FER1L5: variants seen among roughly 807,000 people sequenced by gnomAD.
FER1L5 encodes fer-1 like family member 5.
FER1L5 carries 187 observed loss-of-function variants against 279.9 expected under a neutral mutation model. That is an observed-to-expected ratio of 0.67 (90% CI 0.59 to 0.75). The LOEUF (loss-of-function observed/expected upper bound fraction) is 0.75. Ranked by LOEUF, FER1L5 falls within the 30% of genes least tolerant of loss-of-function variation. The pLI, the probability that FER1L5 is intolerant of heterozygous loss-of-function variation, is 0.00. For synonymous variants in FER1L5, 921 were observed against 989.7 expected (o/e 0.93, Z 1.30); for missense variants, 2,091 against 2,594.4 (o/e 0.81, Z 4.21).
intron 19 of FER1L5, among the ~76,000 whole-genome samples, chr2:96,680,133 G>A (rs775510288): frequency 1.3e-5 from 2 of 151,996 alleles, no homozygotes; most frequent in African/African-American, 4.8e-5. Flanking sequence ...CAGTCCTTAC[G>A]TGTATTTTGA....
Position 96,676,671 on chromosome 2 carries a change from A to G in FER1L5, c.1669+3417A>G, listed in dbSNP as rs575744839. Among the ~76,000 whole-genome samples the G allele has an allele frequency of 3.3e-5, 5 of 150,172 alleles. No homozygotes were observed. In the South Asian group the frequency reaches 6.3e-4, roughly 19 times the overall value. Reference sequence around the variant, plus strand: ...TAGTATTACATTCTATCTATTGACAATATGTATCTTTGGATTATTTTTAGT... The same window carrying G: ...TAGTATTACATTCTATCTATTGACAGTATGTATCTTTGGATTATTTTTAGT... On this transcript the variant is annotated intron_variant, in intron 19 of 52. Transcript: ENST00000624922.
At position 96,685,759 on chromosome 2, in the gene FER1L5, C is replaced by G. The variant is rs576204632; in HGVS notation, c.1896-181C>G. 3.3e-5 allele frequency among the ~76,000 whole-genome samples: 5 copies of G among 152,340 alleles called. No homozygotes were observed. The South Asian group carries it at 1.0e-3, about 32-fold the overall frequency. On this transcript the variant is annotated intron_variant, in intron 21 of 52. Transcript: ENST00000624922. Reference sequence around the variant, plus strand: ...GAGAGGACTGGATGAGAACCCAGGGCTGGACACACAGCGAGCAGGCTTCCT... The same window carrying G: ...GAGAGGACTGGATGAGAACCCAGGGGTGGACACACAGCGAGCAGGCTTCCT...
At position 96,699,144 on chromosome 2, in the gene FER1L5, G is replaced by A; in HGVS notation, c.4610+8G>A. 1.2e-6 allele frequency: 2 copies of A among 1,601,548 alleles called. No homozygotes were observed. Among genetic ancestry groups the A allele is most frequent in the Non-Finnish European group, 8.5e-7 (1 of 1,174,126 alleles). ...GGATCCCATCTTTGGCATGTGAGCTGCCCCAACCCCCAAGACCCCTTCTCC... is the reference window on the plus strand; with the variant it reads ...GGATCCCATCTTTGGCATGTGAGCTACCCCAACCCCCAAGACCCCTTCTCC... On this transcript the variant is annotated splice_region_variant and intron_variant, in intron 42 of 52. Coordinates refer to ENST00000624922, the MANE Select transcript of FER1L5 (RefSeq NM_001293083.2).
chr2:96,645,250 T>G (rs969398103), intron 1 of FER1L5, among the ~76,000 whole-genome samples: 17 of 152,224 alleles, frequency 1.1e-4, no homozygotes, highest in African/African-American at 4.1e-4. Flanking sequence ...GCATGGATGG[T>G]GCTGGTCACA....
chr2:96,670,221 C>G lies in FER1L5; in HGVS notation c.1465C>G (p.Leu489Val), dbSNP rs78506932. The change falls in exon 18 of 53, where the codon CTC (leucine) becomes GTC (valine). Residue 489 changes from leucine (L) to valine (V), a missense_variant. Physicochemically the swap from Leu to Val is conservative, Grantham distance 32. Transcript: ENST00000624922. ...CTATCAAGACTCCACGATAAAGGATCTCTCCCATGAAGTGACCAGGATAGA... is the reference window on the plus strand; with the variant it reads ...CTATCAAGACTCCACGATAAAGGATGTCTCCCATGAAGTGACCAGGATAGA... ...KSYQDSTIKD[L>V]SHEVTRIEKH... The G allele has an allele frequency of 1.3e-4, 198 of 1,551,604 alleles. 2 individuals carry two copies. The East Asian group carries it at 4.8e-3, about 38-fold the overall frequency.
At position 96,698,194 on chromosome 2, in the gene FER1L5, T is replaced by G; in HGVS notation, c.4356+38T>G. On this transcript the variant is annotated intron_variant, in intron 40 of 52. Coordinates refer to ENST00000624922, the MANE Select transcript of FER1L5 (RefSeq NM_001293083.2). The surrounding 1 kb of genome is among the most constrained non-coding windows in gnomAD (Gnocchi z 5.5). ...CCCAGCTTAGCTGCCCCTGTCTCCT[T>G]GTGCACCTTCTGTCCCTGGAAAACG... 6.5e-7 allele frequency: 1 copy of G among 1,540,844 alleles called. No homozygotes were observed. Among genetic ancestry groups the G allele is most frequent in the Non-Finnish European group, 8.8e-7 (1 of 1,140,564 alleles).
At chr2:96,692,235 G>A (rs902433314) in intron 31 of FER1L5, 54 bp downstream of exon 31, 3 of 1,537,636 alleles carry the variant, frequency 2.0e-6, no homozygotes, top group African/African-American at 2.8e-5. Flanking sequence ...AGGGAGGAGA[G>A]CAGGGTTGTG....
In FER1L5 at chr2:96,661,733, C is replaced by T. The variant is rs758668608; in HGVS notation, c.960C>T (p.Val320=). The T allele has an allele frequency of 5.8e-6, 9 of 1,551,712 alleles. No homozygotes were observed. The South Asian group carries it at 1.1e-4, about 18-fold the overall frequency. Residue 320 remains valine, a synonymous_variant, in exon 12 of 53, where the codon GTC becomes GTT. Coordinates refer to ENST00000624922, the MANE Select transcript of FER1L5 (RefSeq NM_001293083.2). ...TDIQIFKSAV[V]PINMAYLQLF... ...TTCAGATCTTCAAGTCAGCGGTAGT[C>T]CCGATCAACATGGCTTACTTACAGC...
intron 4 of FER1L5, 34 bp downstream of exon 4, chr2:96,647,920 G>C: frequency 6.6e-7 from 1 of 1,508,214 alleles, no homozygotes; most frequent in East Asian, 2.5e-5. Flanking sequence ...AGGCAGGGTG[G>C]CTGGAGGAAT....
chr2:96,698,086 A>C lies in FER1L5; in HGVS notation c.4286A>C (p.Asp1429Ala). The C allele has an allele frequency of 6.3e-7, 1 of 1,589,904 alleles. No homozygotes were observed. The change falls in exon 40 of 53, where the codon GAC becomes GCC. Residue 1429 changes from aspartate (D) to alanine (A), a missense_variant. Transcript: ENST00000624922. This position sits in a 1 kb window ranked among gnomAD's most constrained non-coding sequence, Gnocchi z 5.5. ...EAVPAFQGLQDFCQTFKLYQE... is the reference protein window; with the variant it reads ...EAVPAFQGLQAFCQTFKLYQE... ...GTGCCAGCCTTCCAGGGCCTGCAGG[A>C]CTTCTGCCAGACCTTCAAACTCTAC...
intron 1 of FER1L5, among the ~76,000 whole-genome samples, chr2:96,645,681 T>A (rs993952627): frequency 6.6e-6 from 1 of 151,058 alleles, no homozygotes; most frequent in African/African-American, 2.4e-5. Context: ...ACGTGGGAGG[T>A]GGGAGGATGA....
intron 1 of FER1L5, among the ~76,000 whole-genome samples, chr2:96,643,359 A>AT (rs1054637653): frequency 1.8e-4 from 27 of 151,706 alleles, no homozygotes; most frequent in African/African-American, 5.8e-4. Context: ...TTTATTTTTT[A>AT]TTTTTTTTGA....
intron 2 of FER1L5, 49 bp from the exon 3 acceptor site, chr2:96,647,015 G>C (rs2075160743): frequency 2.0e-6 from 3 of 1,526,280 alleles, no homozygotes; most frequent in South Asian, 2.4e-5. Flanking sequence ...TAGAAACATG[G>C]GATGGGAAGG....
At chr2:96,664,903 T>A (rs541847827) in intron 14 of FER1L5, among the ~76,000 whole-genome samples, 1 of 152,368 alleles carries the variant, frequency 6.6e-6, no homozygotes, top group Non-Finnish European at 1.5e-5. Flanking sequence ...TTTTTGTTGA[T>A]GGCCTGGAGC....
intron 9 of FER1L5, among the ~76,000 whole-genome samples, chr2:96,659,421 CTTT>C (rs1558854342): frequency 1.2e-4 from 1 of 8,520 alleles, no homozygotes; most frequent in Non-Finnish European, 1.9e-4. Flanking sequence ...TTCTTTCTTT[CTTT>C]CTTTCTTTCT....
intron 27 of FER1L5, among the ~76,000 whole-genome samples, chr2:96,690,982 G>A (rs2106635103): frequency 6.6e-6 from 1 of 152,380 alleles, no homozygotes; most frequent in East Asian, 1.9e-4. Context: ...ACTTCTCTGA[G>A]TCTCACCTGC....
chr2:96,644,971 A>G (rs1231106799), intron 1 of FER1L5, among the ~76,000 whole-genome samples: 2 of 152,186 alleles, frequency 1.3e-5, no homozygotes, highest in Non-Finnish European at 2.9e-5. Flanking sequence ...AGATGCCTAA[A>G]ACTCAGAACC....
intron 14 of FER1L5, among the ~76,000 whole-genome samples, chr2:96,664,008 A>G (rs2076042868): frequency 6.6e-6 from 1 of 152,132 alleles, no homozygotes; most frequent in Non-Finnish European, 1.5e-5. Flanking sequence ...AGGTAGTATC[A>G]CCTACTTATT....
In FER1L5 at chr2:96,694,593, A is replaced by T; in HGVS notation, c.3741+129A>T. The T allele has an allele frequency of 1.5e-6, 1 of 658,132 alleles. No homozygotes were observed. The highest frequency in any genetic ancestry group is 2.4e-6 in the Non-Finnish European group (1 of 419,284). 40.8% of individuals were successfully genotyped at this position (658,132 alleles called of 1,614,324 possible). On this transcript the variant is annotated intron_variant, in intron 34 of 52. Transcript: ENST00000624922. The surrounding 1 kb of genome is among the most constrained non-coding windows in gnomAD (Gnocchi z 4.6). The stretch of plus-strand genomic sequence containing the variant: ...CACACCCCGAAAAAGACTACCTGGG[A>T]GGTGGAGGGAGACAGGAGAGAAACG...
Sources: allele counts gnomAD v4.1 joint callset (sites outside exome capture counted in the v4.1 genomes callset), GRCh38; gene constraint gnomAD v4.1.1; non-coding constraint Gnocchi (gnomAD v3.1); transcripts MANE v1.5; gene names NCBI Gene and HGNC (gene_info 2026-07-23, HGNC 2026-07-21).